The following NUP210L variants were observed in gnomAD, a reference collection of about 807,000 sequenced individuals.
The protein encoded by NUP210L is nuclear pore membrane glycoprotein 210-like.
In NUP210L, 74 loss-of-function variants were observed where a neutral mutation model predicts 208.5. That is an observed-to-expected ratio of 0.35 (90% CI 0.29 to 0.43). NUP210L has a LOEUF of 0.43. NUP210L is among the 20% of genes least tolerant of loss of function. The probability of loss-of-function intolerance (pLI) is 1.00; values close to 1 mark genes in which losing one functional copy is unlikely to be tolerated. For missense variants in NUP210L, 1,843 were observed against 2,289.4 expected (o/e 0.81, Z 3.98); for synonymous variants, 780 against 816.9 (o/e 0.95, Z 0.77).
intron 17 of NUP210L, among the ~76,000 whole-genome samples, chr1:154,068,167 T>C (rs191848015): frequency 2.0e-3 from 311 of 152,214 alleles, no homozygotes; most frequent in African/African-American, 7.0e-3. Context: ...GGCATCACAC[T>C]ACCTGACTTC....
intron 30 of NUP210L, among the ~76,000 whole-genome samples, chr1:154,024,633 C>T (rs893313244): frequency 6.6e-6 from 1 of 151,946 alleles, no homozygotes; most frequent in African/African-American, 2.4e-5. Flanking sequence ...GTGTGATCCT[C>T]CACCTCAGCC....
At chr1:154,102,705 G>C (rs1656529313) in intron 13 of NUP210L, among the ~76,000 whole-genome samples, 1 of 152,012 alleles carries the variant, frequency 6.6e-6, no homozygotes, top group Non-Finnish European at 1.5e-5. Context: ...AAAAACAATG[G>C]GGATCAGGAT....
At chr1:154,132,470 T>C (rs994833541) in intron 7 of NUP210L, among the ~76,000 whole-genome samples, 1 of 152,178 alleles carries the variant, frequency 6.6e-6, no homozygotes, top group African/African-American at 2.4e-5. Flanking sequence ...TCCTTAAAAC[T>C]GCTCTTTCTC....
Position 154,048,583 on chromosome 1 carries a change from G to C in NUP210L, c.3484-2214C>G, listed in dbSNP as rs558599082. On this transcript the variant is annotated intron_variant, in intron 25 of 39. Coordinates refer to ENST00000368559, the Ensembl canonical transcript of NUP210L. ...CCATGAGGGGCCTATCCTGGGCCCT[G>C]TTCCAAACCAGGGCATTTCTGGCTC... Among the ~76,000 whole-genome samples, 4 of 152,194 alleles carry C rather than the reference G, an allele frequency of 2.6e-5. No individual in the cohort carries two copies. The South Asian group carries it at 6.2e-4, about 24-fold the overall frequency.
intron 4 of NUP210L, among the ~76,000 whole-genome samples, chr1:154,140,385 G>A (rs1435110014): frequency 2.7e-5 from 4 of 146,552 alleles, no homozygotes. Context: ...AAAAGATAAA[G>A]GCAAGGCGCA....
chr1:154,027,711 G>T, intron 28 of NUP210L, 114 bp from the exon 29 acceptor site: 1 of 636,246 alleles, frequency 1.6e-6, no homozygotes. Flanking sequence ...TGACAACTAC[G>T]AATCAACAGT....
At position 154,024,924 on chromosome 1, in the gene NUP210L, T is replaced by G. The variant is rs1410215008; in HGVS notation, c.4122+618A>C. ...ATCATATAAATTTAGGCTGATCTGTTTTTTTTTTTTTTTTTTTTTTTTTGA... is the reference window on the plus strand; with the variant it reads ...ATCATATAAATTTAGGCTGATCTGTGTTTTTTTTTTTTTTTTTTTTTTTGA... On this transcript the variant is annotated intron_variant, in intron 30 of 39. Coordinates refer to ENST00000368559, the Ensembl canonical transcript of NUP210L. 4.1e-3 allele frequency among the ~76,000 whole-genome samples: 129 copies of G among 31,394 alleles called. No homozygotes were observed. The South Asian group carries it at 0.11, about 26-fold the overall frequency. The allele number at this position is 31,394 out of a possible 152,430, so 20.6% of individuals were successfully genotyped here.
At chr1:154,042,512 C>T (rs770488306) in intron 27 of NUP210L, among the ~76,000 whole-genome samples, 2 of 151,788 alleles carry the variant, frequency 1.3e-5, no homozygotes, top group Admixed American at 6.6e-5. Flanking sequence ...CTGCAAGCTC[C>T]GCCTCCTGGG....
intron 10 of NUP210L, 77 bp from the exon 11 acceptor site, chr1:154,118,885 A>T: frequency 1.3e-6 from 1 of 755,792 alleles, no homozygotes; most frequent in Non-Finnish European, 2.0e-6. Flanking sequence ...TACTCAAAAC[A>T]TCAGCAAAAT....
chr1:154,066,704 TAAAG>T (rs747791498), intron 17 of NUP210L, among the ~76,000 whole-genome samples: 4 of 151,426 alleles, frequency 2.6e-5, no homozygotes, highest in Non-Finnish European at 5.9e-5. Context: ...GAAAAACTAA[TAAAG>T]AAGAAAAGAG....
intron 17 of NUP210L, among the ~76,000 whole-genome samples, chr1:154,065,665 G>A (rs1403697287): frequency 6.6e-6 from 1 of 152,056 alleles, no homozygotes; most frequent in East Asian, 1.9e-4. Context: ...GGCCGAGGCA[G>A]GTGGATTGCC....
rs575149854 is a variant in NUP210L at position 154,029,174 on chromosome 1, C to G, written c.3855+722G>C. ...CGGGCAGATCACGAGGTCAGGAGAT[C>G]GAGACCATCCTGGCTAACACAGTGA... On this transcript the variant is annotated intron_variant, in intron 28 of 39. Coordinates refer to ENST00000368559, the Ensembl canonical transcript of NUP210L. 1.2e-3 allele frequency among the ~76,000 whole-genome samples: 178 copies of G among 145,762 alleles called. 1 individual carries two copies. Among genetic ancestry groups the G allele is most frequent in the African/African-American group, 4.3e-3 (170 of 39,208 alleles).
chr1:154,082,811 G>C (rs1428382871), intron 16 of NUP210L, among the ~76,000 whole-genome samples: 2 of 152,164 alleles, frequency 1.3e-5, no homozygotes, highest in Non-Finnish European at 2.9e-5. Flanking sequence ...CCTTCGCCTT[G>C]AGTGTTACAG....
intron 16 of NUP210L, among the ~76,000 whole-genome samples, chr1:154,084,460 C>A (rs1009952248): frequency 2.6e-5 from 4 of 151,938 alleles, no homozygotes; most frequent in Non-Finnish European, 4.4e-5. Context: ...GATCCTCCCA[C>A]GTCAGCCTCC....
chr1:154,065,889 T>C (rs1156677848), intron 17 of NUP210L, among the ~76,000 whole-genome samples: 2 of 69,854 alleles, frequency 2.9e-5, no homozygotes, highest in African/African-American at 1.5e-4. Flanking sequence ...TGAGACTCTG[T>C]CTCAAAAAAA....
rs770217261 is a variant in NUP210L at position 154,149,087 on chromosome 1, C to CTTTTTTTTTTTTT, written c.340+3648_340+3649insAAAAAAAAAAAAA. Among the ~76,000 whole-genome samples the CTTTTTTTTTTTTT allele has an allele frequency of 3.2e-3, 376 of 119,258 alleles. 16 individuals carry two copies. Among genetic ancestry groups the CTTTTTTTTTTTTT allele is most frequent in the Admixed American group, 8.2e-3 (79 of 9,626 alleles). 78.2% of individuals were successfully genotyped at this position (119,258 alleles called of 152,430 possible). A position where few individuals can be genotyped will look rare whatever the true frequency, so the allele number is the denominator to read the frequency against. On this transcript the variant is annotated intron_variant, in intron 2 of 39. Coordinates refer to ENST00000368559, the Ensembl canonical transcript of NUP210L. ...ACTACTTCAACAGCAGAAAACTTCT[C>CTTTTTTTTTTTTT]TTTTTTTTTTTTCCTGAGAAGGAGT... is the stretch of plus-strand genomic sequence containing the variant.
exon 1 of NUP210L, chr1:154,154,912 A>C (rs1659623586): frequency 1.2e-6 from 2 of 1,614,122 alleles, no homozygotes; most frequent in Admixed American, 1.7e-5. Flanking sequence ...AAGGGTAGCA[A>C]CACCTGTGGC....
At chr1:154,136,485 T>A (rs1029455255) in intron 6 of NUP210L, among the ~76,000 whole-genome samples, 13 of 151,116 alleles carry the variant, frequency 8.6e-5, no homozygotes, top group African/African-American at 2.4e-4. Context: ...AAATTAAAAA[T>A]ATATATATAC....
At chr1:154,128,090 C>A (rs1658072329) in intron 8 of NUP210L, among the ~76,000 whole-genome samples, 1 of 152,006 alleles carries the variant, frequency 6.6e-6, no homozygotes. Context: ...TCTCGAACTC[C>A]TCAGCTCAAG....
Sources: gnomAD v4.1 joint callset for allele counts (sites outside exome capture counted in the v4.1 genomes callset) on GRCh38, gnomAD v4.1.1 for gene constraint, MANE v1.5 for transcripts, NCBI Gene and HGNC (gene_info 2026-07-23, HGNC 2026-07-21) for gene names.